DEFB121: variants seen among roughly 807,000 people sequenced by gnomAD.
The protein encoded by DEFB121 is beta-defensin 121.
In DEFB121, 5 loss-of-function variants were observed where a neutral mutation model predicts 2.5. The ratio of observed to expected loss-of-function variants is 1.96; its 90% CI spans 1.03 to 4.13. The LOEUF (loss-of-function observed/expected upper bound fraction) is 4.13. DEFB121 is among the 30% of genes most tolerant of loss of function. The pLI, the probability that DEFB121 is intolerant of heterozygous loss-of-function variation, is 0.00. For missense variants in DEFB121, 87 were observed against 85.0 expected (o/e 1.02, Z -0.09); for synonymous variants, 39 against 32.6 (o/e 1.20, Z -0.67).
chr20:31,407,022 C>T (rs548151127), upstream of DEFB121, among the ~76,000 whole-genome samples: 9 of 152,158 alleles, frequency 5.9e-5, no homozygotes, highest in South Asian at 1.0e-3. Context: ...CCGAGGCAGG[C>T]GGATCACAAG....
rs769859074 is a variant in DEFB121, at chr20:31,404,992, C to T, written c.152G>A (p.Cys51Tyr). Residue 51 changes from cysteine (C) to tyrosine (Y), a missense_variant, in exon 2 of 2, where the codon TGT becomes TAT. Transcript: ENST00000376314. ...YILCKTEAKC[C>Y]VDPKYVPVKP... ...TACAGGTACATACTTGGGATCCACA[C>T]AGCACTTAGCCTCAGTTTTGCATAA... 62 of 1,613,952 alleles carry T rather than the reference C, an allele frequency of 3.8e-5. No individual in the cohort carries two copies. The highest frequency in any genetic ancestry group is 1.6e-4 in the Middle Eastern group (1 of 6,082).
At chr20:31,418,351 A>C in the DEFB121 span, among the ~76,000 whole-genome samples, 2 of 152,016 alleles carry the variant, frequency 1.3e-5, no homozygotes, top group African/African-American at 2.4e-5. Flanking sequence ...GAAGACCTTA[A>C]GAGCTTTCAG....
upstream of DEFB121, chr20:31,412,871 T>C (rs1336852968): frequency 3.2e-6 from 1 of 308,576 alleles, no homozygotes; most frequent in Non-Finnish European, 6.4e-6. Flanking sequence ...ACGATGTAAC[T>C]CTGTTCGGGC....
chr20:31,417,860 G>A, the DEFB121 span, among the ~76,000 whole-genome samples: 1 of 152,146 alleles, frequency 6.6e-6, no homozygotes, highest in Admixed American at 6.5e-5. Flanking sequence ...CTACTCAGGA[G>A]GTTGAGGCAG....
upstream of DEFB121, among the ~76,000 whole-genome samples, chr20:31,406,599 C>T (rs1023927768): frequency 1.3e-5 from 2 of 152,040 alleles, no homozygotes; most frequent in Non-Finnish European, 2.9e-5. Flanking sequence ...CATTATAATA[C>T]CAAATGAAGG....
upstream of DEFB121, among the ~76,000 whole-genome samples, chr20:31,410,792 G>T (rs982374934): frequency 1.9e-4 from 28 of 150,160 alleles, no homozygotes; most frequent in African/African-American, 5.9e-4. Flanking sequence ...TGGTTAGAAG[G>T]GTAGGATACT....
At chr20:31,405,902 G>C (rs1978460229) in intron 1 of DEFB121, among the ~76,000 whole-genome samples, 193 bp downstream of exon 1, 2 of 152,184 alleles carry the variant, frequency 1.3e-5, no homozygotes, top group Non-Finnish European at 2.9e-5. Flanking sequence ...GGTTGGAATG[G>C]TCAAGTACTG....
upstream of DEFB121, among the ~76,000 whole-genome samples, chr20:31,410,434 G>A (rs1978625295): frequency 6.6e-6 from 1 of 152,188 alleles, no homozygotes; most frequent in South Asian, 2.1e-4. Flanking sequence ...TGGGTGACAA[G>A]ATACATCATA....
At chr20:31,417,400 C>T (rs992134344), upstream of DEFB121, among the ~76,000 whole-genome samples, 2 of 151,658 alleles carry the variant, frequency 1.3e-5, no homozygotes, top group South Asian at 4.2e-4. Context: ...ATTAAAAGTA[C>T]AAAGATGAAA....
chr20:31,412,500 A>C (rs956290024), intron 1 of DEFB121: 5 of 601,430 alleles, frequency 8.3e-6, no homozygotes, highest in Admixed American at 2.8e-5. Flanking sequence ...GATACTACTG[A>C]CAGCAGAGGT....
At chr20:31,412,517 T>G in intron 1 of DEFB121, 1 of 795,872 alleles carries the variant, frequency 1.3e-6, no homozygotes, top group South Asian at 1.5e-5. Context: ...AGGTTTGCTG[T>G]GAAGATTAAA....
chr20:31,410,581 A>G (rs907399949), upstream of DEFB121, among the ~76,000 whole-genome samples: 1 of 152,180 alleles, frequency 6.6e-6, no homozygotes, highest in Non-Finnish European at 1.5e-5. Context: ...TGCCATAAAT[A>G]CATAACCCTC....
chr20:31,409,758 T>C (rs933247324), upstream of DEFB121, among the ~76,000 whole-genome samples: 8 of 152,024 alleles, frequency 5.3e-5, no homozygotes, highest in African/African-American at 1.7e-4. Flanking sequence ...AAAAGAATAA[T>C]AATAAAAATA....
At chr20:31,413,109 C>T (rs1355870247), upstream of DEFB121, among the ~76,000 whole-genome samples, 1 of 152,192 alleles carries the variant, frequency 6.6e-6, no homozygotes. Context: ...TCTCATCCCT[C>T]CTCAAGGGCC....
upstream of DEFB121, among the ~76,000 whole-genome samples, chr20:31,410,351 G>T (rs958370782): frequency 1.3e-5 from 2 of 152,126 alleles, no homozygotes; most frequent in African/African-American, 4.8e-5. Flanking sequence ...AGACACTGGG[G>T]ACTACTAGAG....
chr20:31,415,203 A>T (rs1324269101), upstream of DEFB121, among the ~76,000 whole-genome samples: 1 of 152,204 alleles, frequency 6.6e-6, no homozygotes, highest in African/African-American at 2.4e-5. Flanking sequence ...AATAAAATAA[A>T]ATCTTTGAAA....
upstream of DEFB121, among the ~76,000 whole-genome samples, chr20:31,410,823 T>TGAGAGAGAGAGAGA (rs72164704): frequency 7.5e-3 from 1,020 of 136,024 alleles, 2 homozygotes; most frequent in Admixed American, 8.7e-3. Context: ...CCTTGAAAAA[T>TGAGAGAGAGAGAGA]GAGAGAGAGA....
At chr20:31,408,930 G>GC (rs943530439), upstream of DEFB121, among the ~76,000 whole-genome samples, 2 of 152,056 alleles carry the variant, frequency 1.3e-5, no homozygotes, top group African/African-American at 4.8e-5. Flanking sequence ...GGAGGTTGAG[G>GC]CAGGAGAATT....
upstream of DEFB121, among the ~76,000 whole-genome samples, chr20:31,406,838 C>T (rs1333111956): frequency 2.0e-5 from 3 of 152,092 alleles, no homozygotes; most frequent in Admixed American, 2.0e-4. Flanking sequence ...CTTGTTCTGT[C>T]ACCCAGGCTG....
Sources: allele counts gnomAD v4.1 joint callset (sites outside exome capture counted in the v4.1 genomes callset), GRCh38; gene constraint gnomAD v4.1.1; transcripts MANE v1.5; gene names NCBI Gene and HGNC (gene_info 2026-07-23, HGNC 2026-07-21).